Variants in FBXO8 observed in about 807,000 individuals in gnomAD.
The protein encoded by FBXO8 is F-box only protein 8.
Under a neutral mutation model 33.4 loss-of-function variants are expected in FBXO8, and 15 were observed. The ratio of observed to expected loss-of-function variants is 0.45; its 90% CI spans 0.30 to 0.69. The LOEUF is 0.69. FBXO8 is among the 30% of genes least tolerant of loss of function. The pLI, the probability that FBXO8 is intolerant of heterozygous loss-of-function variation, is 0.08. For synonymous variants in FBXO8, 132 were observed against 131.5 expected (o/e 1.00, Z -0.02); for missense variants, 274 against 380.3 (o/e 0.72, Z 2.32).
In FBXO8 at chr4:174,241,143, T is replaced by C. The variant is rs1452454668; in HGVS notation, c.532A>G (p.Arg178Gly). 6.2e-7 allele frequency: 1 copy of C among 1,609,996 alleles called. No homozygotes were observed. Among genetic ancestry groups the C allele is most frequent in the African/African-American group, 1.3e-5 (1 of 74,680 alleles). The change falls in exon 4 of 6, where the codon AGA (arginine) becomes GGA (glycine). Residue 178 changes from arginine (R) to glycine (G), a missense_variant. By Grantham distance (125) the Arg-to-Gly change is moderately radical. Around this residue, in one of 2 missense-constraint regions of FBXO8, gnomAD observed 186 missense variants for 293.4 expected, o/e 0.63. Coordinates refer to ENST00000393674, the MANE Select transcript of FBXO8 (RefSeq NM_012180.3). This position sits in a 1 kb window ranked among gnomAD's most constrained non-coding sequence, Gnocchi z 4.2. ...KEIAKFIFCT[R>G]TLNWKKLRIY... is the part of the protein sequence containing the mutation. ...CTCAGTTTTTTCCAATTTAGTGTTCTTGTACAGAAGATAAACTTTGCTATT... is the reference window on the plus strand; with the variant it reads ...CTCAGTTTTTTCCAATTTAGTGTTCCTGTACAGAAGATAAACTTTGCTATT...
At chr4:174,258,302 G>A (rs1736463764) in intron 3 of FBXO8, among the ~76,000 whole-genome samples, 1 of 151,898 alleles carries the variant, frequency 6.6e-6, no homozygotes, top group Admixed American at 6.6e-5. Flanking sequence ...TATAATAAAA[G>A]GCATGAGAAA....
In FBXO8 at chr4:174,237,356, A is replaced by C; in HGVS notation, c.*56T>G. 2 of 1,485,270 alleles carry C rather than the reference A, an allele frequency of 1.3e-6. No individual in the cohort carries two copies. Among genetic ancestry groups the C allele is most frequent in the Non-Finnish European group, 1.8e-6 (2 of 1,081,112 alleles). 92.0% of individuals were successfully genotyped at this position (1,485,270 alleles called of 1,614,324 possible). On this transcript the variant is annotated 3_prime_UTR_variant, in exon 6 of 6. Transcript: ENST00000393674. The surrounding 1 kb of genome is among the most constrained non-coding windows in gnomAD (Gnocchi z 4.4). ...ACTGATGTAACCCCCATATCTGCTA[A>C]GTCCTTGGGTAGCTTTAGTCTGAAG...
chr4:174,245,464 T>C lies in FBXO8; in HGVS notation c.457-4246A>G, dbSNP rs1010383943. On this transcript the variant is annotated intron_variant, in intron 3 of 5. Coordinates refer to ENST00000393674, the MANE Select transcript of FBXO8 (RefSeq NM_012180.3). The surrounding 1 kb of genome is among the most constrained non-coding windows in gnomAD (Gnocchi z 4.6). ...CTGTATTATATGAGCAAAAGTAATATATAATTTTTAAAGACTATTTTTAGG... is the reference window on the plus strand; with the variant it reads ...CTGTATTATATGAGCAAAAGTAATACATAATTTTTAAAGACTATTTTTAGG... Among the ~76,000 whole-genome samples, 32 of 151,896 alleles carry C rather than the reference T, an allele frequency of 2.1e-4. 1 individual carries two copies. The highest frequency in any genetic ancestry group is 1.4e-3 in the Admixed American group (22 of 15,198).
Position 174,262,436 on chromosome 4 carries a change from C to T in FBXO8, c.329+328G>A, listed in dbSNP as rs1487342867. 6.6e-6 allele frequency among the ~76,000 whole-genome samples: 1 copy of T among 152,204 alleles called. No homozygotes were observed. The highest frequency in any genetic ancestry group is 1.5e-5 in the Non-Finnish European group (1 of 68,044). On this transcript the variant is annotated intron_variant, in intron 2 of 5. Transcript: ENST00000393674. This position sits in a 1 kb window ranked among gnomAD's most constrained non-coding sequence, Gnocchi z 4.6. Reference sequence around the variant, plus strand: ...ACTACACAGCATGTGAACACTCCAACTTTTAAATTAGAAATTCTCACTCCA... The same window carrying T: ...ACTACACAGCATGTGAACACTCCAATTTTTAAATTAGAAATTCTCACTCCA...
At position 174,254,173 on chromosome 4, in the gene FBXO8, C is replaced by T. The variant is rs1736363779; in HGVS notation, c.456+5526G>A. Among the ~76,000 whole-genome samples the T allele has an allele frequency of 6.6e-6, 1 of 152,202 alleles. No individual in the cohort carries two copies. The highest frequency in any genetic ancestry group is 2.4e-5 in the African/African-American group (1 of 41,442). On this transcript the variant is annotated intron_variant, in intron 3 of 5. Coordinates refer to ENST00000393674, the MANE Select transcript of FBXO8 (RefSeq NM_012180.3). This position sits in a 1 kb window ranked among gnomAD's most constrained non-coding sequence, Gnocchi z 4.2. ...GCAGCATAATGAAGGGTGCTGAGAA[C>T]TCAATTCTTCCTAGCTAGATCTTAG...
In FBXO8 at chr4:174,262,808, T is replaced by C. The variant is rs760079454; in HGVS notation, c.285A>G (p.Ser95=). 1.4e-5 allele frequency: 22 copies of C among 1,613,882 alleles called. No homozygotes were observed. Among genetic ancestry groups the C allele is most frequent in the South Asian group, 2.2e-5 (2 of 91,084 alleles). Residue 95 remains serine, a synonymous_variant, in exon 2 of 6, where the codon TCA becomes TCG. Coordinates refer to ENST00000393674, the MANE Select transcript of FBXO8 (RefSeq NM_012180.3). The surrounding 1 kb of genome is among the most constrained non-coding windows in gnomAD (Gnocchi z 4.6). ...YLNATDLCLA[S]CVWQDLANDE... ...CATTCGCAAGGTCCTGCCAAACACA[T>C]GAAGCCAAGCAAAGGTCAGTTGCAT...
At chr4:174,269,573 T>C (rs1297379788) in intron 1 of FBXO8, among the ~76,000 whole-genome samples, 5 of 151,058 alleles carry the variant, frequency 3.3e-5, no homozygotes, top group Admixed American at 3.3e-4. Context: ...TAATCCCAGC[T>C]ACTGGGAAGG....
intron 1 of FBXO8, among the ~76,000 whole-genome samples, chr4:174,266,774 T>A (rs181732845): frequency 6.6e-6 from 1 of 152,168 alleles, no homozygotes; most frequent in Non-Finnish European, 1.5e-5. Flanking sequence ...CAAAAAATAA[T>A]AATGATAAAA....
Position 174,255,723 on chromosome 4 carries a change from A to C in FBXO8, c.456+3976T>G, listed in dbSNP as rs556759989. Among the ~76,000 whole-genome samples the C allele has an allele frequency of 3.3e-5, 5 of 152,326 alleles. No individual in the cohort carries two copies. In the South Asian group the frequency reaches 1.0e-3, roughly 32 times the overall value. ...TTCACTACCAATTTTTCAGATCCTA[A>C]ATTTAAAAATAACTACGTCAAGAAA... On this transcript the variant is annotated intron_variant, in intron 3 of 5. Coordinates refer to ENST00000393674, the MANE Select transcript of FBXO8 (RefSeq NM_012180.3). The surrounding 1 kb of genome is among the most constrained non-coding windows in gnomAD (Gnocchi z 4.3).
rs1471128891 is a variant in FBXO8, at chr4:174,272,035, T to C, written c.-8-8935A>G. The stretch of plus-strand genomic sequence containing the variant: ...GGCTACAAAGAAACTCCTAAGGCAA[T>C]GTTTCCTAAACTTGGATTATGAGTG... On this transcript the variant is annotated intron_variant, in intron 1 of 5. Coordinates refer to ENST00000393674, the MANE Select transcript of FBXO8 (RefSeq NM_012180.3). This position sits in a 1 kb window ranked among gnomAD's most constrained non-coding sequence, Gnocchi z 4.7. Among the ~76,000 whole-genome samples the C allele has an allele frequency of 6.6e-6, 1 of 152,214 alleles. No homozygotes were observed.
rs563828686 is a variant in FBXO8, at chr4:174,240,965, T to C, written c.575+135A>G. 279 of 511,602 alleles carry C rather than the reference T, an allele frequency of 5.5e-4. 3 individuals carry two copies. In the South Asian group the frequency reaches 7.8e-3, roughly 14 times the overall value. 31.7% of individuals were successfully genotyped at this position (511,602 alleles called of 1,614,324 possible). Reference sequence around the variant, plus strand: ...CACGAAAGAAATGATGTGTGAGATATAGGAATCTTTTCCCTGTCTTTATTC... The same window carrying C: ...CACGAAAGAAATGATGTGTGAGATACAGGAATCTTTTCCCTGTCTTTATTC... On this transcript the variant is annotated intron_variant, in intron 4 of 5. Transcript: ENST00000393674.
intron 1 of FBXO8, among the ~76,000 whole-genome samples, chr4:174,282,428 C>T (rs1176565067): frequency 3.3e-5 from 5 of 152,130 alleles, no homozygotes; most frequent in African/African-American, 9.7e-5. Context: ...CAATAGACAA[C>T]TAATGAAGTA....
rs139671454 is a variant in FBXO8 at position 174,249,535 on chromosome 4, C to G, written c.457-8317G>C. Among the ~76,000 whole-genome samples, 9 of 151,994 alleles carry G rather than the reference C, an allele frequency of 5.9e-5. No individual in the cohort carries two copies. In the East Asian group the frequency reaches 1.7e-3, roughly 29 times the overall value. ...ACTAGTTTTATCATATTACCTAGAT[C>G]TTAATATGTACATTTATAAATATAT... On this transcript the variant is annotated intron_variant, in intron 3 of 5. Coordinates refer to ENST00000393674, the MANE Select transcript of FBXO8 (RefSeq NM_012180.3).
Position 174,237,728 on chromosome 4 carries a change from A to C in FBXO8, c.773-129T>G. On this transcript the variant is annotated intron_variant, in intron 5 of 5. Coordinates refer to ENST00000393674, the MANE Select transcript of FBXO8 (RefSeq NM_012180.3). The surrounding 1 kb of genome is among the most constrained non-coding windows in gnomAD (Gnocchi z 4.4). Reference sequence around the variant, plus strand: ...TTAGCTCATAAATACAGAGTGACCAATCCATCCCAGTTTGTCTAGACTCTT... The same window carrying C: ...TTAGCTCATAAATACAGAGTGACCACTCCATCCCAGTTTGTCTAGACTCTT... 1 of 733,962 alleles carries C rather than the reference A, an allele frequency of 1.4e-6. No homozygotes were observed. 45.5% of individuals were successfully genotyped at this position (733,962 alleles called of 1,614,324 possible).
In FBXO8 at chr4:174,270,901, G is replaced by A. The variant is rs1736824049; in HGVS notation, c.-8-7801C>T. Reference sequence around the variant, plus strand: ...CAGGAATAGGTTTTAAACTAATATTGGGATAAGTATAAATGGCAGGGTATC... The same window carrying A: ...CAGGAATAGGTTTTAAACTAATATTAGGATAAGTATAAATGGCAGGGTATC... On this transcript the variant is annotated intron_variant, in intron 1 of 5. Transcript: ENST00000393674. The surrounding 1 kb of genome is among the most constrained non-coding windows in gnomAD (Gnocchi z 4.6). 6.6e-6 allele frequency among the ~76,000 whole-genome samples: 1 copy of A among 152,098 alleles called. No homozygotes were observed. The highest frequency in any genetic ancestry group is 2.4e-5 in the African/African-American group (1 of 41,404).
At position 174,263,818 on chromosome 4, in the gene FBXO8, G is replaced by A. The variant is rs1302517036; in HGVS notation, c.-8-718C>T. On this transcript the variant is annotated intron_variant, in intron 1 of 5. Coordinates refer to ENST00000393674, the MANE Select transcript of FBXO8 (RefSeq NM_012180.3). This position sits in a 1 kb window ranked among gnomAD's most constrained non-coding sequence, Gnocchi z 4.2. ...CTATGGATTCTTCAGAAGTACCTGGGAAAAGACACCAGAAGAAAGGTGTGC... is the reference window on the plus strand; with the variant it reads ...CTATGGATTCTTCAGAAGTACCTGGAAAAAGACACCAGAAGAAAGGTGTGC... Among the ~76,000 whole-genome samples, 1 of 152,030 alleles carries A rather than the reference G, an allele frequency of 6.6e-6. No homozygotes were observed. Among genetic ancestry groups the A allele is most frequent in the Middle Eastern group, 3.2e-3 (1 of 316 alleles).
rs1736046743 is a variant in FBXO8, at chr4:174,241,775, A to G, written c.457-557T>C. Among the ~76,000 whole-genome samples the G allele has an allele frequency of 1.3e-5, 2 of 151,602 alleles. No homozygotes were observed. ...GTATAGGTTGTACTACTTTGGCTTT[A>G]AACATTGCTATGTTCTACAAAAACC... On this transcript the variant is annotated intron_variant, in intron 3 of 5. Coordinates refer to ENST00000393674, the MANE Select transcript of FBXO8 (RefSeq NM_012180.3). The surrounding 1 kb of genome is among the most constrained non-coding windows in gnomAD (Gnocchi z 4.2).
chr4:174,277,721 T>C lies in FBXO8; in HGVS notation c.-9+5689A>G, dbSNP rs1736990113. On this transcript the variant is annotated intron_variant, in intron 1 of 5. Coordinates refer to ENST00000393674, the MANE Select transcript of FBXO8 (RefSeq NM_012180.3). The surrounding 1 kb of genome is among the most constrained non-coding windows in gnomAD (Gnocchi z 4.9). The stretch of plus-strand genomic sequence containing the variant: ...ATGGTCATTTTTCTTCAGTATTTCT[T>C]AGTTGTCTAAATAGTGGAATTTATA... Among the ~76,000 whole-genome samples the C allele has an allele frequency of 6.6e-6, 1 of 152,152 alleles. No homozygotes were observed. Among genetic ancestry groups the C allele is most frequent in the Admixed American group, 6.5e-5 (1 of 15,284 alleles).
rs1736630928 is a variant in FBXO8 at position 174,263,974 on chromosome 4, C to G, written c.-8-874G>C. 6.6e-6 allele frequency among the ~76,000 whole-genome samples: 1 copy of G among 152,138 alleles called. No homozygotes were observed. The highest frequency in any genetic ancestry group is 2.1e-4 in the South Asian group (1 of 4,826). On this transcript the variant is annotated intron_variant, in intron 1 of 5. Coordinates refer to ENST00000393674, the MANE Select transcript of FBXO8 (RefSeq NM_012180.3). This position sits in a 1 kb window ranked among gnomAD's most constrained non-coding sequence, Gnocchi z 4.2. ...TAGATTTGGCATTGCCTTTAAATAG[C>G]TTTTCTGGAGCAAATAAAGTCATTC... is the stretch of plus-strand genomic sequence containing the variant.
Sources: allele counts gnomAD v4.1 joint callset (sites outside exome capture counted in the v4.1 genomes callset), GRCh38; gene constraint gnomAD v4.1.1; regional missense constraint gnomAD v4.1.1; non-coding constraint Gnocchi (gnomAD v3.1); transcripts MANE v1.5; gene names NCBI Gene and HGNC (gene_info 2026-07-23, HGNC 2026-07-21).